The following RANBP17 variants were observed in gnomAD, a reference collection of about 807,000 sequenced individuals.
RANBP17 encodes the protein ran-binding protein 17.
RANBP17 carries 158 observed loss-of-function variants against 141.2 expected under a neutral mutation model. That is an observed-to-expected ratio of 1.12 (90% CI 0.98 to 1.28). The LOEUF (loss-of-function observed/expected upper bound fraction) is 1.28. Ranked by LOEUF, RANBP17 falls within the 50% of genes most tolerant of loss-of-function variation. The probability of loss-of-function intolerance (pLI) is 0.00; values close to 1 mark genes in which losing one functional copy is unlikely to be tolerated. For synonymous variants in RANBP17, 430 were observed against 450.0 expected (o/e 0.96, Z 0.56); for missense variants, 1,438 against 1,290.7 (o/e 1.11, Z -1.75).
chr5:171,167,755 A>G (rs890307729), intron 14 of RANBP17, among the ~76,000 whole-genome samples: 15 of 152,134 alleles, frequency 9.9e-5, no homozygotes, highest in African/African-American at 1.4e-4. Context: ...TCTGATCCCT[A>G]CTGTTAGTTG....
At chr5:171,199,118 C>T (rs1762148592) in intron 18 of RANBP17, among the ~76,000 whole-genome samples, 1 of 151,876 alleles carries the variant, frequency 6.6e-6, no homozygotes, top group Admixed American at 6.6e-5. Flanking sequence ...AGAAGTGTAC[C>T]CATGGAGAAT....
chr5:171,137,790 T>C (rs1213531528), intron 14 of RANBP17, among the ~76,000 whole-genome samples: 1 of 152,130 alleles, frequency 6.6e-6, no homozygotes, highest in African/African-American at 2.4e-5. Context: ...CCTCCCACTC[T>C]GATTCAATTT....
chr5:171,108,629 C>G (rs534052165), intron 14 of RANBP17, among the ~76,000 whole-genome samples: 1 of 152,164 alleles, frequency 6.6e-6, no homozygotes, highest in Admixed American at 6.5e-5. Context: ...TCCAGCTGGT[C>G]TCAAACTCCT....
intron 14 of RANBP17, among the ~76,000 whole-genome samples, chr5:171,153,461 A>G (rs1013559615): frequency 6.6e-6 from 1 of 152,194 alleles, no homozygotes; most frequent in African/African-American, 2.4e-5. Context: ...CTAGGGAAAG[A>G]TATTCCTGCC....
intron 14 of RANBP17, among the ~76,000 whole-genome samples, chr5:171,115,996 A>G (rs1030847851): frequency 6.6e-6 from 1 of 152,168 alleles, no homozygotes; most frequent in Admixed American, 6.5e-5. Flanking sequence ...GACATGAATA[A>G]AGAGGTACAT....
chr5:171,039,115 A>G (rs921502037), intron 14 of RANBP17, among the ~76,000 whole-genome samples: 4 of 152,158 alleles, frequency 2.6e-5, no homozygotes, highest in Admixed American at 1.3e-4. Context: ...GCTAGGTCCA[A>G]TGGTAGTTCT....
intron 14 of RANBP17, among the ~76,000 whole-genome samples, chr5:171,137,606 C>CTGTG (rs1235455020): frequency 3.7e-4 from 23 of 62,676 alleles, no homozygotes; most frequent in African/African-American, 1.1e-3. Flanking sequence ...GTGTGTGTGT[C>CTGTG]TGTGTGTGTG....
intron 14 of RANBP17, among the ~76,000 whole-genome samples, chr5:171,000,857 G>A (rs1043602860): frequency 1.3e-5 from 2 of 152,088 alleles, no homozygotes; most frequent in Admixed American, 1.3e-4. Flanking sequence ...TTTAAGGGTG[G>A]GGAAGATTAC....
In RANBP17 at chr5:171,298,963, A is replaced by G; in HGVS notation, c.*105A>G. The G allele has an allele frequency of 1.3e-6, 1 of 778,808 alleles. No homozygotes were observed. The highest frequency in any genetic ancestry group is 2.1e-6 in the Non-Finnish European group (1 of 477,114). 48.2% of individuals were successfully genotyped at this position (778,808 alleles called of 1,614,324 possible). A position where few individuals can be genotyped will look rare whatever the true frequency, so the allele number is the denominator to read the frequency against. The stretch of plus-strand genomic sequence containing the variant: ...CTAGCCCAGGGGAATGTATTTTTCA[A>G]AACATACAAGCAACAGCAAAAGCCC... On this transcript the variant is annotated 3_prime_UTR_variant, in exon 28 of 28. Coordinates refer to ENST00000523189, the MANE Select transcript of RANBP17 (RefSeq NM_022897.5).
At position 170,916,585 on chromosome 5, in the gene RANBP17, G is replaced by A; in HGVS notation, c.954+1G>A. On this transcript the variant is annotated splice_donor_variant, in intron 9 of 27. Coordinates refer to ENST00000523189, the MANE Select transcript of RANBP17 (RefSeq NM_022897.5). LOFTEE classifies it high-confidence loss of function. ...AAAAAGGATACTTGAAAACCCTCAG[G>A]TATTTATGAAGTAATTTAATACTTA... is the stretch of plus-strand genomic sequence containing the variant. 2 of 1,530,418 alleles carry A rather than the reference G, an allele frequency of 1.3e-6. No homozygotes were observed. The highest frequency in any genetic ancestry group is 1.8e-6 in the Non-Finnish European group (2 of 1,130,714). 94.8% of individuals were successfully genotyped at this position (1,530,418 alleles called of 1,614,324 possible).
chr5:171,067,100 C>T (rs889071165), intron 14 of RANBP17, among the ~76,000 whole-genome samples: 14 of 152,074 alleles, frequency 9.2e-5, no homozygotes, highest in Admixed American at 5.2e-4. Context: ...TCCTCCTATA[C>T]TGCCTTCTTC....
chr5:170,879,044 C>T (rs547648368), intron 2 of RANBP17, among the ~76,000 whole-genome samples: 13 of 152,038 alleles, frequency 8.6e-5, no homozygotes, highest in East Asian at 7.7e-4. Flanking sequence ...TGTTTTTGGG[C>T]GGATAACATT....
chr5:170,948,102 C>T (rs1774908499), intron 12 of RANBP17, among the ~76,000 whole-genome samples: 1 of 152,120 alleles, frequency 6.6e-6, no homozygotes, highest in Non-Finnish European at 1.5e-5. Flanking sequence ...TCAAGTAAGA[C>T]TGGTCAGCAT....
intron 24 of RANBP17, among the ~76,000 whole-genome samples, chr5:171,259,354 G>C (rs1030142338): frequency 8.5e-5 from 13 of 152,186 alleles, no homozygotes; most frequent in Non-Finnish European, 1.8e-4. Flanking sequence ...CAATCCAGCA[G>C]TCCTACTACT....
chr5:171,297,363 A>G, intron 27 of RANBP17, among the ~76,000 whole-genome samples: 1 of 152,210 alleles, frequency 6.6e-6, no homozygotes, highest in Non-Finnish European at 1.5e-5. Context: ...GTAATGAATG[A>G]TGGAGAAAAA....
intron 9 of RANBP17, 47 bp downstream of exon 9, chr5:170,916,631 T>C (rs908127330): frequency 7.7e-7 from 1 of 1,292,706 alleles, no homozygotes; most frequent in Non-Finnish European, 1.1e-6. Context: ...ATACAGTTTT[T>C]CAGCTAAAGG....
chr5:170,933,321 A>G (rs189440508), intron 12 of RANBP17, among the ~76,000 whole-genome samples: 4,588 of 151,856 alleles, frequency 0.03, 232 homozygotes, highest in African/African-American at 0.1. Flanking sequence ...TATTAGTCTT[A>G]CTAGCGGTCT....
intron 14 of RANBP17, among the ~76,000 whole-genome samples, chr5:170,975,506 A>G (rs1777299069): frequency 6.6e-6 from 1 of 152,234 alleles, no homozygotes; most frequent in Non-Finnish European, 1.5e-5. Flanking sequence ...AGCCTGGGTG[A>G]CAGAGTGAGA....
intron 5 of RANBP17, among the ~76,000 whole-genome samples, chr5:170,900,918 C>T (rs1369093847): frequency 6.6e-6 from 1 of 152,064 alleles, no homozygotes; most frequent in Non-Finnish European, 1.5e-5. Flanking sequence ...CTGAGGAGTG[C>T]TTTACTTCCA....
Sources: allele counts gnomAD v4.1 joint callset (sites outside exome capture counted in the v4.1 genomes callset), GRCh38; gene constraint gnomAD v4.1.1; transcripts MANE v1.5; gene names NCBI Gene and HGNC (gene_info 2026-07-23, HGNC 2026-07-21).